The following ING5 variants were observed in gnomAD, a reference collection of about 807,000 sequenced individuals.
The protein encoded by ING5 is inhibitor of growth protein 5.
ING5 carries 17 observed loss-of-function variants against 37.4 expected under a neutral mutation model. That is an observed-to-expected ratio of 0.45 (90% CI 0.31 to 0.68). ING5 has a LOEUF of 0.68. Among genes scored for constraint, ING5 ranks in the 30% least tolerant of loss-of-function variants. ING5 has a pLI of 0.05. For synonymous variants in ING5, 123 were observed against 116.6 expected, an observed-to-expected ratio of 1.06 and a Z score of -0.36; for missense variants, 233 against 311.9, an observed-to-expected ratio of 0.75 and a Z score of 1.91.
intron 7 of ING5, chr2:241,723,840 A>C (rs781487506): frequency 1.6e-5 from 25 of 1,570,486 alleles, no homozygotes; most frequent in Non-Finnish European, 2.0e-5. Flanking sequence ...GGAGACCCCA[A>C]CTCTACAAAA....
chr2:241,723,564 G>A (rs1691478892), intron 7 of ING5, among the ~76,000 whole-genome samples: 1 of 152,186 alleles, frequency 6.6e-6, no homozygotes, highest in Admixed American at 6.5e-5. Context: ...CCCTCCTGAA[G>A]GACAACCTTC....
upstream of ING5, chr2:241,687,023 T>G (rs1050950970): frequency 3.7e-6 from 2 of 541,416 alleles, no homozygotes; most frequent in Admixed American, 4.4e-5. Context: ...GGGCCCCGTG[T>G]CCCGTGCGGG....
intron 5 of ING5, chr2:241,721,520 G>A (rs975798304): frequency 8.6e-5 from 85 of 985,354 alleles, no homozygotes; most frequent in African/African-American, 2.4e-4. Context: ...TTGCAAAGGC[G>A]TAGAAAAGCT....
upstream of ING5, among the ~76,000 whole-genome samples, chr2:241,698,748 GAC>G (rs1200460861): frequency 6.6e-6 from 1 of 152,140 alleles, no homozygotes; most frequent in Admixed American, 6.6e-5. Flanking sequence ...TTGTTTTTGA[GAC>G]AGAGTCTTGC....
At chr2:241,716,664 T>A (rs1041617069) in intron 5 of ING5, among the ~76,000 whole-genome samples, 1 of 152,184 alleles carries the variant, frequency 6.6e-6, no homozygotes, top group Admixed American at 6.5e-5. Flanking sequence ...CTTCAGATAT[T>A]ACACTATTTG....
In ING5 at chr2:241,702,073, C is replaced by G; in HGVS notation, c.8C>G (p.Thr3Ser). Residue 3 changes from threonine to serine, a missense_variant, in exon 1 of 8, where the codon ACC (threonine) becomes AGC (serine). Thr to Ser is a moderately conservative substitution (Grantham distance 58). Coordinates refer to ENST00000313552, the MANE Select transcript of ING5 (RefSeq NM_032329.6). ...GCGCGGCCGCGGACGAAGATGGCGA[C>G]CGCCATGTACTTGGAGCACTATCTG... MA[T>S]AMYLEHYLDS... 7.2e-7 allele frequency: 1 copy of G among 1,390,814 alleles called. No individual in the cohort carries two copies. Among genetic ancestry groups the G allele is most frequent in the Admixed American group, 2.9e-5 (1 of 34,352 alleles). The allele number at this position is 1,390,814 out of a possible 1,614,324, so 86.2% of individuals were successfully genotyped here. A position where few individuals can be genotyped will look rare whatever the true frequency, so the allele number is the denominator to read the frequency against.
At chr2:241,697,140 A>G (rs375796745), upstream of ING5, among the ~76,000 whole-genome samples, 34 of 151,626 alleles carry the variant, frequency 2.2e-4, no homozygotes, top group East Asian at 5.2e-3. Context: ...ATGCTCTTTA[A>G]TAAGTACATG....
At chr2:241,712,721 G>A (rs950604124) in intron 5 of ING5, among the ~76,000 whole-genome samples, 5 of 152,140 alleles carry the variant, frequency 3.3e-5, no homozygotes, top group Admixed American at 3.3e-4. Flanking sequence ...TGATCTCACA[G>A]AGGGAGGGTC....
At chr2:241,702,831 C>G (rs949644498) in intron 1 of ING5, among the ~76,000 whole-genome samples, 1 of 152,260 alleles carries the variant, frequency 6.6e-6, no homozygotes, top group Non-Finnish European at 1.5e-5. Context: ...GAGGGGCAGA[C>G]CCCACGCGGG....
At chr2:241,702,974 A>G (rs1326345190) in intron 1 of ING5, among the ~76,000 whole-genome samples, 1 of 152,120 alleles carries the variant, frequency 6.6e-6, no homozygotes, top group Non-Finnish European at 1.5e-5. Context: ...GCACCCGCCC[A>G]GGGGCTGAGA....
intron 1 of ING5, among the ~76,000 whole-genome samples, chr2:241,703,951 G>GTGGCTACACTGCTCAATGCAC (rs1200079374): frequency 1.3e-5 from 2 of 152,132 alleles, no homozygotes; most frequent in African/African-American, 4.8e-5. Context: ...CGTGGGCAGC[G>GTGGCTACACTGCTCAATGCAC]TGGCTACACT....
At chr2:241,702,508 T>C (rs1360127115) in intron 1 of ING5, among the ~76,000 whole-genome samples, 2 of 151,594 alleles carry the variant, frequency 1.3e-5, no homozygotes, top group African/African-American at 4.8e-5. Flanking sequence ...TGGCGCCCGC[T>C]GCGGGGCTCC....
At chr2:241,718,493 T>G (rs1257137062) in intron 5 of ING5, among the ~76,000 whole-genome samples, 1 of 148,358 alleles carries the variant, frequency 6.7e-6, no homozygotes, top group Non-Finnish European at 1.5e-5. Flanking sequence ...CTTGGCTCAC[T>G]GCAAGCTCCG....
chr2:241,708,689 C>T (rs2070002798), intron 2 of ING5, among the ~76,000 whole-genome samples: 1 of 152,154 alleles, frequency 6.6e-6, no homozygotes, highest in African/African-American at 2.4e-5. Flanking sequence ...TGCTGAGTAG[C>T]ACTCTGTTGT....
chr2:241,712,301 G>T, intron 5 of ING5: 1 of 460,856 alleles, frequency 2.2e-6, no homozygotes, highest in Non-Finnish European at 3.9e-6. Flanking sequence ...AGGCTTTAGG[G>T]CTGCTGTGGT....
upstream of ING5, among the ~76,000 whole-genome samples, chr2:241,697,210 C>T (rs534877352): frequency 5.2e-4 from 79 of 151,966 alleles, no homozygotes; most frequent in African/African-American, 1.6e-3. Flanking sequence ...CCGGGGCAGG[C>T]GGAACACAAG....
chr2:241,698,887 A>G (rs986114544), upstream of ING5, among the ~76,000 whole-genome samples: 10 of 151,648 alleles, frequency 6.6e-5, no homozygotes, highest in Non-Finnish European at 5.9e-5. Flanking sequence ...TACCACCACA[A>G]CCAGCTACTT....
intron 5 of ING5, chr2:241,719,813 C>G: frequency 7.0e-7 from 1 of 1,430,758 alleles, no homozygotes; most frequent in Non-Finnish European, 9.1e-7. Context: ...CGCTGACCAG[C>G]ACTGTTTAGT....
intron 1 of ING5, among the ~76,000 whole-genome samples, chr2:241,702,849 A>G (rs1223196985): frequency 6.6e-6 from 1 of 152,228 alleles, no homozygotes; most frequent in Non-Finnish European, 1.5e-5. Context: ...GGGACCCCTG[A>G]CGTCGGCCCG....
Sources: gnomAD v4.1 joint callset for allele counts (sites outside exome capture counted in the v4.1 genomes callset) on GRCh38, gnomAD v4.1.1 for gene constraint, MANE v1.5 for transcripts, NCBI Gene and HGNC (gene_info 2026-07-23, HGNC 2026-07-21) for gene names.